GRID1: variants seen among roughly 807,000 people sequenced by gnomAD.
GRID1 encodes the protein glutamate receptor ionotropic, delta-1.
Under a neutral mutation model 98.0 loss-of-function variants are expected in GRID1, and 28 were observed. The observed-to-expected ratio is 0.29, with a 90% CI of 0.21 to 0.39. GRID1 has a LOEUF of 0.39. GRID1 is among the 10% of genes least tolerant of loss of function. The pLI is 1.00. For missense variants in GRID1, 1,111 were observed against 1,340.5 expected, an observed-to-expected ratio of 0.83 and a Z score of 2.67; for synonymous variants, 553 against 538.5, an observed-to-expected ratio of 1.03 and a Z score of -0.37.
intron 8 of GRID1, among the ~76,000 whole-genome samples, chr10:85,802,729 T>C (rs1307398335): frequency 6.6e-6 from 1 of 150,874 alleles, no homozygotes; most frequent in Non-Finnish European, 1.5e-5. Flanking sequence ...AAAAAACTGT[T>C]TTCAAACACT....
At chr10:86,133,925 A>G (rs1462480020) in intron 4 of GRID1, among the ~76,000 whole-genome samples, 1 of 152,376 alleles carries the variant, frequency 6.6e-6, no homozygotes, top group Middle Eastern at 3.4e-3. Flanking sequence ...AAGAAAACAA[A>G]CAGTTTAAAA....
intron 4 of GRID1, among the ~76,000 whole-genome samples, chr10:85,955,571 G>A (rs1842178363): frequency 6.6e-6 from 1 of 152,128 alleles, no homozygotes; most frequent in Admixed American, 6.5e-5. Flanking sequence ...CAAAGATGTA[G>A]GGCATGTTGA....
At chr10:85,726,287 A>G (rs563920569) in intron 10 of GRID1, among the ~76,000 whole-genome samples, 6 of 152,232 alleles carry the variant, frequency 3.9e-5, no homozygotes, top group Non-Finnish European at 8.8e-5. Context: ...GCTCAAGAAG[A>G]AAGGTAAACT....
At chr10:86,248,207 G>A (rs1275146704) in intron 2 of GRID1, among the ~76,000 whole-genome samples, 1 of 152,232 alleles carries the variant, frequency 6.6e-6, no homozygotes, top group African/African-American at 2.4e-5. Context: ...ACCATCTAAT[G>A]AGGCAGCTCC....
chr10:85,941,824 C>T (rs1589307264), intron 4 of GRID1, among the ~76,000 whole-genome samples: 4 of 152,126 alleles, frequency 2.6e-5, no homozygotes, highest in East Asian at 1.9e-4. Context: ...GTGGCAGAAA[C>T]GTAATTTTAA....
Position 85,982,193 on chromosome 10 carries a change from C to CAA in GRID1, c.727-65956_727-65955dup, listed in dbSNP as rs5786730. Reference sequence around the variant, plus strand: ...AAAGTGATGAAAAGGGCTCTTGCCACAAAAAAAAAAAAAAAATTGGGTAAA... The same window carrying CAA: ...AAAGTGATGAAAAGGGCTCTTGCCACAAAAAAAAAAAAAAAAAATTGGGTAAA... On this transcript the variant is annotated intron_variant, in intron 4 of 15. Coordinates refer to ENST00000327946, the MANE Select transcript of GRID1 (RefSeq NM_017551.3). 7.6e-3 allele frequency among the ~76,000 whole-genome samples: 985 copies of CAA among 129,896 alleles called. 9 individuals carry two copies. Among genetic ancestry groups the CAA allele is most frequent in the Non-Finnish European group, 0.01 (620 of 59,496 alleles). The allele number at this position is 129,896 out of a possible 152,430, so 85.2% of individuals were successfully genotyped here.
intron 2 of GRID1, among the ~76,000 whole-genome samples, chr10:86,250,307 C>A (rs967911989): frequency 6.6e-6 from 1 of 152,182 alleles, no homozygotes; most frequent in Non-Finnish European, 1.5e-5. Flanking sequence ...TCTCCAGCTT[C>A]CCCTCAACAT....
At chr10:85,897,900 A>G (rs181748235) in intron 5 of GRID1, among the ~76,000 whole-genome samples, 57 of 152,232 alleles carry the variant, frequency 3.7e-4, no homozygotes, top group African/African-American at 1.3e-3. Context: ...ACTCTGGCCC[A>G]CGGCATCTCA....
At chr10:85,825,692 C>T (rs1431614833) in intron 8 of GRID1, among the ~76,000 whole-genome samples, 2 of 151,576 alleles carry the variant, frequency 1.3e-5, no homozygotes, top group African/African-American at 2.4e-5. Context: ...ATACAGGGGG[C>T]AAAAGAACTA....
At chr10:85,990,135 A>T (rs1376419623) in intron 4 of GRID1, among the ~76,000 whole-genome samples, 1 of 152,220 alleles carries the variant, frequency 6.6e-6, no homozygotes, top group African/African-American at 2.4e-5. Flanking sequence ...CAGTTCGAAC[A>T]AACAAGACAC....
chr10:86,164,365 A>G (rs933796285), intron 3 of GRID1, among the ~76,000 whole-genome samples: 13 of 152,172 alleles, frequency 8.5e-5, no homozygotes, highest in African/African-American at 3.1e-4. Context: ...ACCAGGGAGC[A>G]GAGAACAAAA....
chr10:85,993,675 A>G (rs1301640820), intron 4 of GRID1, among the ~76,000 whole-genome samples: 1 of 152,236 alleles, frequency 6.6e-6, no homozygotes, highest in Admixed American at 6.5e-5. Context: ...AAAATGATGA[A>G]GAGCACCATT....
intron 5 of GRID1, among the ~76,000 whole-genome samples, chr10:85,910,039 A>G (rs1841516135): frequency 6.6e-6 from 1 of 152,222 alleles, no homozygotes; most frequent in South Asian, 2.1e-4. Flanking sequence ...TCTTCATTCA[A>G]GAGTTCTGAG....
chr10:86,358,980 T>C (rs886740471), intron 2 of GRID1, among the ~76,000 whole-genome samples: 1 of 152,034 alleles, frequency 6.6e-6, no homozygotes, highest in Admixed American at 6.6e-5. Flanking sequence ...CCAGCAGTCT[T>C]TGGAAGCTGG....
At chr10:85,934,922 T>C (rs1283778657) in intron 4 of GRID1, among the ~76,000 whole-genome samples, 4 of 152,214 alleles carry the variant, frequency 2.6e-5, no homozygotes, top group Admixed American at 2.6e-4. Flanking sequence ...CTCGGTACTT[T>C]AAGGCCTCCA....
chr10:85,808,527 G>A (rs1385091065), intron 8 of GRID1, among the ~76,000 whole-genome samples: 1 of 152,130 alleles, frequency 6.6e-6, no homozygotes, highest in Non-Finnish European at 1.5e-5. Context: ...ACAAAGTTCT[G>A]GAAATACGTT....
rs572964530 is a variant in GRID1 at position 85,669,033 on chromosome 10, A to G, written c.1998-21636T>C. Among the ~76,000 whole-genome samples, 10 of 152,346 alleles carry G rather than the reference A, an allele frequency of 6.6e-5. No individual in the cohort carries two copies. In the South Asian group the frequency reaches 2.1e-3, roughly 32 times the overall value. On this transcript the variant is annotated intron_variant, in intron 12 of 15. Transcript: ENST00000327946. ...GTTTGAAAAACATTATCCAAGTTAG[A>G]AATCCCCTTGGTTCCACCAGAGGAT... is the stretch of plus-strand genomic sequence containing the variant.
At chr10:86,227,435 C>G (rs1846370272) in intron 2 of GRID1, among the ~76,000 whole-genome samples, 1 of 152,152 alleles carries the variant, frequency 6.6e-6, no homozygotes, top group Admixed American at 6.5e-5. Flanking sequence ...CATTTTCCTG[C>G]CTCCAGCCTT....
chr10:86,106,777 T>C (rs540198290), intron 4 of GRID1, among the ~76,000 whole-genome samples: 1 of 152,044 alleles, frequency 6.6e-6, no homozygotes, highest in Non-Finnish European at 1.5e-5. Flanking sequence ...CAGGACTGCA[T>C]GGCCGCTGGC....
Sources: gnomAD v4.1 joint callset for allele counts (sites outside exome capture counted in the v4.1 genomes callset) on GRCh38, gnomAD v4.1.1 for gene constraint, MANE v1.5 for transcripts, NCBI Gene and HGNC (gene_info 2026-07-23, HGNC 2026-07-21) for gene names.